Variants in ACAP2 observed in about 807,000 individuals in gnomAD.
The protein encoded by ACAP2 is arf-GAP with coiled-coil, ANK repeat and PH domain-containing protein 2.
ACAP2 carries 39 observed loss-of-function variants against 115.8 expected under a neutral mutation model. The ratio of observed to expected loss-of-function variants is 0.34; its 90% CI spans 0.26 to 0.44. The LOEUF (loss-of-function observed/expected upper bound fraction) is 0.44, where lower values mean the gene tolerates loss of function less well. Ranked by LOEUF, ACAP2 falls within the 20% of genes least tolerant of loss-of-function variation. ACAP2 has a pLI of 1.00. For missense variants in ACAP2, 662 were observed against 927.6 expected (o/e 0.71, Z 3.72); for synonymous variants, 289 against 315.8 (o/e 0.92, Z 0.90).
At chr3:195,376,267 G>A (rs1379532364) in intron 4 of ACAP2, among the ~76,000 whole-genome samples, 3 of 152,058 alleles carry the variant, frequency 2.0e-5, no homozygotes. Flanking sequence ...GGTGGTGGGT[G>A]CCTGTAGTCC....
intron 1 of ACAP2, among the ~76,000 whole-genome samples, chr3:195,432,210 A>T (rs970614572): frequency 6.6e-6 from 1 of 152,208 alleles, no homozygotes; most frequent in Admixed American, 6.5e-5. Context: ...TCAATTTATC[A>T]ATCTTTTCTT....
chr3:195,351,709 C>T (rs1046597977), intron 4 of ACAP2, among the ~76,000 whole-genome samples: 3 of 151,988 alleles, frequency 2.0e-5, no homozygotes, highest in Non-Finnish European at 4.4e-5. Context: ...GTGATCCGCC[C>T]GCATCGGCCT....
rs770985657 is a variant in ACAP2, at chr3:195,336,993, G to A, written c.529-17C>T. On this transcript the variant is annotated splice_polypyrimidine_tract_variant and intron_variant, in intron 6 of 22. Transcript: ENST00000326793. ...AACATTAATCTGAGGGAAAACACAC[G>A]TGGTTAATCACCCATGCATTATTTT... 1.6e-5 allele frequency: 26 copies of A among 1,606,312 alleles called. No homozygotes were observed. Among genetic ancestry groups the A allele is most frequent in the East Asian group, 4.5e-5 (2 of 44,580 alleles).
intron 1 of ACAP2, among the ~76,000 whole-genome samples, chr3:195,398,678 T>TAAAA (rs1577414740): frequency 6.7e-6 from 1 of 149,322 alleles, no homozygotes; most frequent in African/African-American, 2.5e-5. Flanking sequence ...AATAAATAAA[T>TAAAA]AAAATGTCTC....
intron 4 of ACAP2, among the ~76,000 whole-genome samples, chr3:195,373,533 C>A (rs150021447): frequency 6.6e-6 from 1 of 152,090 alleles, no homozygotes; most frequent in African/African-American, 2.4e-5. Context: ...TCTCAACTTG[C>A]AGATTTGTTT....
intron 10 of ACAP2, chr3:195,312,959 G>A (rs1278896644): frequency 1.3e-5 from 2 of 152,162 alleles, no homozygotes; most frequent in African/African-American, 4.8e-5. Context: ...GATGTGATCG[G>A]GCTTTTTCCT....
At chr3:195,343,799 G>A (rs1731025408) in intron 5 of ACAP2, among the ~76,000 whole-genome samples, 1 of 152,148 alleles carries the variant, frequency 6.6e-6, no homozygotes. Context: ...ATAACTTGAA[G>A]ACAAATGATT....
chr3:195,341,298 CGTTT>C (rs965943779), intron 6 of ACAP2, among the ~76,000 whole-genome samples: 6 of 142,908 alleles, frequency 4.2e-5, no homozygotes, highest in South Asian at 2.3e-4. Flanking sequence ...TGGGTTTTTT[CGTTT>C]GTTTGTTTTA....
intron 8 of ACAP2, 123 bp from the exon 9 acceptor site, chr3:195,327,082 G>A: frequency 2.1e-6 from 2 of 947,196 alleles, no homozygotes; most frequent in Non-Finnish European, 3.1e-6. Context: ...ATTTAATAAA[G>A]TTTTGGCTAA....
intron 2 of ACAP2, among the ~76,000 whole-genome samples, chr3:195,388,980 C>T (rs1734477923): frequency 6.6e-6 from 1 of 150,740 alleles, no homozygotes; most frequent in African/African-American, 2.4e-5. Context: ...GCCGAGATCA[C>T]ACCACTGCAC....
chr3:195,341,667 T>C (rs1362284221), intron 6 of ACAP2, among the ~76,000 whole-genome samples: 3 of 152,100 alleles, frequency 2.0e-5, no homozygotes, highest in Admixed American at 2.0e-4. Flanking sequence ...AAAAATATGA[T>C]AACACTACTT....
chr3:195,353,156 C>A (rs1317270809), intron 4 of ACAP2, among the ~76,000 whole-genome samples: 1 of 151,432 alleles, frequency 6.6e-6, no homozygotes. Context: ...TTAGCAGTAA[C>A]CAGATTTCAT....
At chr3:195,391,321 C>G (rs1029138982) in intron 2 of ACAP2, among the ~76,000 whole-genome samples, 3 of 151,400 alleles carry the variant, frequency 2.0e-5, no homozygotes, top group African/African-American at 7.3e-5. Flanking sequence ...CCTCCACTTC[C>G]CCAGCTCAAG....
intron 22 of ACAP2, 113 bp from the exon 23 acceptor site, chr3:195,279,541 G>A: frequency 6.8e-6 from 4 of 585,490 alleles, no homozygotes; most frequent in South Asian, 5.8e-5. Context: ...ATTTTGTTCA[G>A]ATGAGCATTT....
chr3:195,424,550 C>T (rs926320810), intron 1 of ACAP2, among the ~76,000 whole-genome samples: 22 of 151,538 alleles, frequency 1.5e-4, no homozygotes, highest in African/African-American at 4.4e-4. Context: ...CCGCCTGCTT[C>T]GGCCTCCCAA....
At chr3:195,375,629 C>G (rs1733477944) in intron 4 of ACAP2, among the ~76,000 whole-genome samples, 1 of 151,778 alleles carries the variant, frequency 6.6e-6, no homozygotes, top group African/African-American at 2.4e-5. Flanking sequence ...CTGGACAACA[C>G]AGCAAGACCC....
chr3:195,387,571 G>C (rs756273935), intron 2 of ACAP2, among the ~76,000 whole-genome samples: 40 of 152,076 alleles, frequency 2.6e-4, no homozygotes, highest in Non-Finnish European at 4.7e-4. Context: ...ACCCAGGCTG[G>C]AGTGCAGTGG....
chr3:195,356,907 G>A (rs534072347), intron 4 of ACAP2, among the ~76,000 whole-genome samples: 23 of 151,802 alleles, frequency 1.5e-4, no homozygotes, highest in Admixed American at 1.2e-3. Context: ...TCACAGCTGC[G>A]GTGGCTACGA....
intron 1 of ACAP2, among the ~76,000 whole-genome samples, chr3:195,422,224 T>C (rs1714247058): frequency 6.6e-6 from 1 of 152,214 alleles, no homozygotes; most frequent in African/African-American, 2.4e-5. Context: ...TGTCCCTTTT[T>C]TTAACTGATG....
Sources: allele counts gnomAD v4.1 joint callset (sites outside exome capture counted in the v4.1 genomes callset), GRCh38; gene constraint gnomAD v4.1.1; transcripts MANE v1.5; gene names NCBI Gene and HGNC (gene_info 2026-07-23, HGNC 2026-07-21).